The following ABHD3 variants were observed in gnomAD, a reference collection of about 807,000 sequenced individuals.
ABHD3 encodes the protein abhydrolase domain containing 3, phospholipase.
Under a neutral mutation model 48.8 loss-of-function variants are expected in ABHD3, and 46 were observed. That is an observed-to-expected ratio of 0.94 (90% CI 0.74 to 1.20). The LOEUF is 1.20. Ranked by LOEUF, ABHD3 falls within the 50% of genes most tolerant of loss-of-function variation. ABHD3 has a pLI of 0.00. For synonymous variants in ABHD3, 192 were observed against 183.7 expected, an observed-to-expected ratio of 1.04 and a Z score of -0.36; for missense variants, 490 against 497.8, an observed-to-expected ratio of 0.98 and a Z score of 0.15.
Position 21,704,648 on chromosome 18 carries a change from C to G in ABHD3, c.18G>C (p.Met6Ile), listed in dbSNP as rs752206642. The G allele has an allele frequency of 7.8e-6, 12 of 1,531,832 alleles. No individual in the cohort carries two copies. Among genetic ancestry groups the G allele is most frequent in the East Asian group, 2.7e-5 (1 of 37,052 alleles). 94.9% of individuals were successfully genotyped at this position (1,531,832 alleles called of 1,614,324 possible). A position where few individuals can be genotyped will look rare whatever the true frequency, so the allele number is the denominator to read the frequency against. MQRLA[M>I]DLRMLSRELS... The stretch of plus-strand genomic sequence containing the variant: ...GCTCCCGGGACAACATCCGCAGGTC[C>G]ATGGCCAGGCGCTGCATGGCCCCCG... Residue 6 changes from methionine to isoleucine, a missense_variant, in exon 1 of 9, where the codon ATG becomes ATC. Coordinates refer to ENST00000289119, the MANE Select transcript of ABHD3 (RefSeq NM_138340.5).
rs2040593967 is a variant in ABHD3 at position 21,704,536 on chromosome 18, A to T, written c.130T>A (p.Tyr44Asn). 1.3e-6 allele frequency: 2 copies of T among 1,509,964 alleles called. No homozygotes were observed. Among genetic ancestry groups the T allele is most frequent in the Non-Finnish European group, 1.8e-6 (2 of 1,128,998 alleles). The allele number at this position is 1,509,964 out of a possible 1,614,324, so 93.5% of individuals were successfully genotyped here. Residue 44 changes from tyrosine to asparagine, a missense_variant, in exon 1 of 9, where the codon TAT becomes AAT. Tyr to Asn is a moderately radical substitution (Grantham distance 143). Coordinates refer to ENST00000289119, the MANE Select transcript of ABHD3 (RefSeq NM_138340.5). ...LSLILGFSVA[Y>N]AFYYLSSIAK... ...ATGCTGCTCAGGTAGTAGAAGGCATAAGCGACGCTGAAGCCCAGGATAAGG... is the reference window on the plus strand; with the variant it reads ...ATGCTGCTCAGGTAGTAGAAGGCATTAGCGACGCTGAAGCCCAGGATAAGG...
intron 8 of ABHD3, among the ~76,000 whole-genome samples, chr18:21,653,556 G>A (rs2039277296): frequency 6.6e-6 from 1 of 151,742 alleles, no homozygotes; most frequent in South Asian, 2.1e-4. Flanking sequence ...AACCTGGCAT[G>A]AGAAGTGTTT....
At chr18:21,703,972 A>T in intron 1 of ABHD3, 1 of 541,346 alleles carries the variant, frequency 1.8e-6, no homozygotes, top group Non-Finnish European at 3.3e-6. Context: ...GTTTGTTTTT[A>T]ACTCCGCCTC....
At position 21,684,311 on chromosome 18, in the gene ABHD3, C is replaced by CTTTTTT. The variant is rs564516602; in HGVS notation, c.510-352_510-347dup. On this transcript the variant is annotated intron_variant, in intron 3 of 8. Coordinates refer to ENST00000289119, the MANE Select transcript of ABHD3 (RefSeq NM_138340.5). ...TACAAGTCAAATTTAAATGTTTTTG[C>CTTTTTT]TTTTTTTTTTTTTTTTTTTTTTTGA... is the stretch of plus-strand genomic sequence containing the variant. 1.7e-3 allele frequency among the ~76,000 whole-genome samples: 140 copies of CTTTTTT among 82,780 alleles called. 1 individual carries two copies. The highest frequency in any genetic ancestry group is 2.2e-3 in the Non-Finnish European group (104 of 47,480). The allele number at this position is 82,780 out of a possible 152,430, so 54.3% of individuals were successfully genotyped here. A position where few individuals can be genotyped will look rare whatever the true frequency, so the allele number is the denominator to read the frequency against.
At chr18:21,669,996 C>T (rs927936780) in intron 4 of ABHD3, among the ~76,000 whole-genome samples, 2 of 152,060 alleles carry the variant, frequency 1.3e-5, no homozygotes, top group Non-Finnish European at 2.9e-5. Flanking sequence ...GAAAATGATA[C>T]CAGGCAGTTT....
At chr18:21,665,494 C>T (rs980835678) in intron 4 of ABHD3, among the ~76,000 whole-genome samples, 1 of 151,958 alleles carries the variant, frequency 6.6e-6, no homozygotes, top group Non-Finnish European at 1.5e-5. Flanking sequence ...CCCATCTTGG[C>T]CTCCCAAGTA....
At chr18:21,683,601 A>G (rs371004272) in intron 4 of ABHD3, 44 of 481,120 alleles carry the variant, frequency 9.1e-5, no homozygotes, top group African/African-American at 8.7e-4. Context: ...ATGTAGGTGA[A>G]TAACTATCGA....
Position 21,703,162 on chromosome 18 carries a change from C to T in ABHD3, c.326+422G>A, listed in dbSNP as rs552907460. ...TCCCATTTGCCTGTCAATAGGAAGT[C>T]ATTTTACACCAATAAATCGCCCAAA... On this transcript the variant is annotated intron_variant, in intron 2 of 8. Coordinates refer to ENST00000289119, the MANE Select transcript of ABHD3 (RefSeq NM_138340.5). Among the ~76,000 whole-genome samples, 3 of 150,672 alleles carry T rather than the reference C, an allele frequency of 2.0e-5. No individual in the cohort carries two copies. The South Asian group carries it at 6.3e-4, about 32-fold the overall frequency.
At chr18:21,658,928 TC>T (rs1408922573) in intron 6 of ABHD3, among the ~76,000 whole-genome samples, 2 of 149,554 alleles carry the variant, frequency 1.3e-5, no homozygotes, top group Non-Finnish European at 3.0e-5. Context: ...AACCTCCGCC[TC>T]CTGGGTTCAA....
At chr18:21,652,930 G>GT (rs1486543745) in intron 8 of ABHD3, among the ~76,000 whole-genome samples, 1 of 150,936 alleles carries the variant, frequency 6.6e-6, no homozygotes, top group Non-Finnish European at 1.5e-5. Flanking sequence ...GCGCACACCT[G>GT]TAATCCCAGC....
chr18:21,683,476 G>C, intron 4 of ABHD3: 1 of 480,684 alleles, frequency 2.1e-6, no homozygotes, highest in Non-Finnish European at 4.3e-6. Context: ...TAGTTAATTT[G>C]TTTTGCACTG....
At chr18:21,684,000 C>T in intron 3 of ABHD3, 35 bp from the exon 4 acceptor site, 1 of 1,565,996 alleles carries the variant, frequency 6.4e-7, no homozygotes, top group Non-Finnish European at 8.7e-7. Context: ...GTTATTTTTA[C>T]ACATGATTCT....
At chr18:21,680,841 TTC>T (rs1360769165) in intron 4 of ABHD3, among the ~76,000 whole-genome samples, 2 of 148,322 alleles carry the variant, frequency 1.3e-5, no homozygotes, top group Non-Finnish European at 3.0e-5. Context: ...GTTTCTTTTT[TTC>T]TTTTTCAAAT....
In ABHD3 at chr18:21,690,493, T is replaced by G. The variant is rs1343575294; in HGVS notation, c.510-6528A>C. 3.3e-5 allele frequency among the ~76,000 whole-genome samples: 5 copies of G among 151,524 alleles called. No individual in the cohort carries two copies. The East Asian group carries it at 9.8e-4, about 30-fold the overall frequency. On this transcript the variant is annotated intron_variant, in intron 3 of 8. Transcript: ENST00000289119. ...GGCAGGTGCCTGTAATCCCAGGTAC[T>G]CAGGAGGTTGAGGCAGGAGAATCGC... is the stretch of plus-strand genomic sequence containing the variant.
At position 21,656,970 on chromosome 18, in the gene ABHD3, T is replaced by A; in HGVS notation, c.948A>T (p.Gln316His). 1 of 1,614,106 alleles carries A rather than the reference T, an allele frequency of 6.2e-7. No individual in the cohort carries two copies. Among genetic ancestry groups the A allele is most frequent in the Non-Finnish European group, 8.5e-7 (1 of 1,180,004 alleles). ...KRFTSVMFGY[Q>H]TIDDYYTDAS... ...CATCAGTATAATAATCATCAATTGT[T>A]TGGTATCCAAACATGACTGAAGTGA... The change falls in exon 8 of 9, where the codon CAA becomes CAT. Residue 316 changes from glutamine (Q) to histidine (H), a missense_variant. Physicochemically the swap from Gln to His is conservative, Grantham distance 24. Transcript: ENST00000289119.
chr18:21,695,390 G>A (rs1322307471), intron 3 of ABHD3, among the ~76,000 whole-genome samples: 1 of 152,174 alleles, frequency 6.6e-6, no homozygotes. Context: ...ACAAGCAAAA[G>A]TGGTGTGCAC....
intron 3 of ABHD3, among the ~76,000 whole-genome samples, chr18:21,696,922 T>TGGAGCCTTGCTTTGTCTCC (rs2040383082): frequency 6.6e-6 from 1 of 152,074 alleles, no homozygotes; most frequent in Non-Finnish European, 1.5e-5. Flanking sequence ...ACATAACTGA[T>TGGAGCCTTGCTTTGTCTCC]TAATAAAATC....
intron 3 of ABHD3, among the ~76,000 whole-genome samples, chr18:21,690,021 C>T (rs909846692): frequency 5.3e-5 from 8 of 149,558 alleles, no homozygotes; most frequent in Admixed American, 2.0e-4. Flanking sequence ...TAACTGGTCC[C>T]GAGATTGTCC....
intron 4 of ABHD3, among the ~76,000 whole-genome samples, chr18:21,675,546 T>C (rs1269166011): frequency 2.0e-5 from 3 of 151,908 alleles, no homozygotes; most frequent in Non-Finnish European, 4.4e-5. Flanking sequence ...GCGTTACAGG[T>C]ATGAGTCACC....
Sources: allele counts gnomAD v4.1 joint callset (sites outside exome capture counted in the v4.1 genomes callset), GRCh38; gene constraint gnomAD v4.1.1; transcripts MANE v1.5; gene names NCBI Gene and HGNC (gene_info 2026-07-23, HGNC 2026-07-21).